VSTM2L: variants seen among roughly 807,000 people sequenced by gnomAD.
The protein encoded by VSTM2L is V-set and transmembrane domain-containing protein 2-like protein.
A neutral mutation model predicts 19.9 loss-of-function variants in VSTM2L; 9 were observed. The observed-to-expected ratio is 0.45, with a 90% CI of 0.27 to 0.79. The LOEUF (loss-of-function observed/expected upper bound fraction) is 0.79. Ranked by LOEUF, VSTM2L falls within the 30% of genes least tolerant of loss-of-function variation. VSTM2L has a pLI of 0.15. For synonymous variants in VSTM2L, 127 were observed against 133.8 expected, an observed-to-expected ratio of 0.95 and a Z score of 0.35; for missense variants, 286 against 295.5, an observed-to-expected ratio of 0.97 and a Z score of 0.24.
At position 37,945,189 on chromosome 20, in the gene VSTM2L, C is replaced by T. The variant is rs147061013; in HGVS notation, c.*936C>T. 1,417 of 985,464 alleles carry T rather than the reference C, an allele frequency of 1.4e-3. 1 individual carries two copies. Among genetic ancestry groups the T allele is most frequent in the African/African-American group, 6.2e-3 (354 of 57,348 alleles). The allele number at this position is 985,464 out of a possible 1,614,324, so 61.0% of individuals were successfully genotyped here. ...TTATTTGTAAATATTTCTATTGGAC[C>T]CAATTCTCCTCGGAATTGGCTGGCA... On this transcript the variant is annotated 3_prime_UTR_variant, in exon 4 of 4. Transcript: ENST00000373461.
intron 3 of VSTM2L, among the ~76,000 whole-genome samples, chr20:37,941,020 C>T (rs192850687): frequency 3.9e-5 from 6 of 152,230 alleles, no homozygotes; most frequent in East Asian, 3.9e-4. Flanking sequence ...TATCATCATG[C>T]GCATGTGACT....
At chr20:37,941,329 G>A (rs1180571746) in intron 3 of VSTM2L, among the ~76,000 whole-genome samples, 1 of 152,160 alleles carries the variant, frequency 6.6e-6, no homozygotes, top group Non-Finnish European at 1.5e-5. Flanking sequence ...GTGACATTTA[G>A]GATGAATGGG....
At chr20:37,934,650 C>G (rs2072929496) in intron 3 of VSTM2L, among the ~76,000 whole-genome samples, 1 of 152,070 alleles carries the variant, frequency 6.6e-6, no homozygotes, top group African/African-American at 2.4e-5. Context: ...ACCCCAAGGC[C>G]AATTTGACAG....
At chr20:37,931,904 T>C in intron 2 of VSTM2L, 100 bp downstream of exon 2, 2 of 1,323,438 alleles carry the variant, frequency 1.5e-6, no homozygotes, top group South Asian at 2.9e-5. Context: ...GGATATGGGC[T>C]CCAACGCTGT....
chr20:37,940,353 G>A (rs371786228), intron 3 of VSTM2L, among the ~76,000 whole-genome samples: 31 of 152,232 alleles, frequency 2.0e-4, no homozygotes, highest in African/African-American at 7.2e-4. Context: ...CTTGCCATGG[G>A]GAAGTCCTGC....
Position 37,903,481 on chromosome 20 carries a change from G to A in VSTM2L, c.121+10G>A, listed in dbSNP as rs748581719. On this transcript the variant is annotated intron_variant, in intron 1 of 3. Transcript: ENST00000373461. Reference sequence around the variant, plus strand: ...CACGTCTCCGGCCACGGTGAGTTCGGTCGCCGCCCCCGCGGACTTCCCCAC... The same window carrying A: ...CACGTCTCCGGCCACGGTGAGTTCGATCGCCGCCCCCGCGGACTTCCCCAC... The A allele has an allele frequency of 4.1e-6, 6 of 1,469,814 alleles. No homozygotes were observed. The East Asian group carries it at 1.2e-4, about 30-fold the overall frequency. 91.0% of individuals were successfully genotyped at this position (1,469,814 alleles called of 1,614,324 possible).
chr20:37,909,218 G>A (rs888287469), intron 1 of VSTM2L, among the ~76,000 whole-genome samples: 1 of 152,228 alleles, frequency 6.6e-6, no homozygotes, highest in South Asian at 2.1e-4. Context: ...CTATCCCAGC[G>A]ACCCTCCAAC....
chr20:37,930,271 C>G (rs2072901033), intron 1 of VSTM2L, among the ~76,000 whole-genome samples: 1 of 152,190 alleles, frequency 6.6e-6, no homozygotes, highest in African/African-American at 2.4e-5. Flanking sequence ...ATCCTGGGGA[C>G]AGGGGGATGA....
At position 37,944,339 on chromosome 20, in the gene VSTM2L, C is replaced by T. The variant is rs2072995068; in HGVS notation, c.*86C>T. The T allele has an allele frequency of 2.6e-5, 35 of 1,321,478 alleles. No homozygotes were observed. The highest frequency in any genetic ancestry group is 1.6e-4 in the South Asian group (9 of 55,818). The allele number at this position is 1,321,478 out of a possible 1,614,324, so 81.9% of individuals were successfully genotyped here. A position where few individuals can be genotyped will look rare whatever the true frequency, so the allele number is the denominator to read the frequency against. On this transcript the variant is annotated 3_prime_UTR_variant, in exon 4 of 4. Coordinates refer to ENST00000373461, the MANE Select transcript of VSTM2L (RefSeq NM_080607.3). Reference sequence around the variant, plus strand: ...CGGACCACCGGGGACCGACTGCCTGCGTCCAGCCGCGCCCCATCCCCGAGG... The same window carrying T: ...CGGACCACCGGGGACCGACTGCCTGTGTCCAGCCGCGCCCCATCCCCGAGG...
chr20:37,939,045 G>A (rs1009515806), intron 3 of VSTM2L, among the ~76,000 whole-genome samples: 5 of 152,148 alleles, frequency 3.3e-5, no homozygotes, highest in African/African-American at 4.8e-5. Flanking sequence ...TGAGAAAATC[G>A]CTTCACCTCT....
chr20:37,927,034 C>T (rs942271792), intron 1 of VSTM2L, among the ~76,000 whole-genome samples: 8 of 152,234 alleles, frequency 5.3e-5, no homozygotes, highest in East Asian at 1.9e-4. Context: ...GACACAATCT[C>T]GGCTCACTGC....
At chr20:37,937,589 T>C (rs77126866) in intron 3 of VSTM2L, among the ~76,000 whole-genome samples, 206 of 152,326 alleles carry the variant, frequency 1.4e-3, no homozygotes, top group African/African-American at 4.5e-3. Context: ...GGTGAAATTC[T>C]CCACAAATAC....
intron 2 of VSTM2L, 70 bp from the exon 3 acceptor site, chr20:37,933,469 C>G (rs532500951): frequency 1.8e-5 from 22 of 1,256,234 alleles, no homozygotes; most frequent in Non-Finnish European, 2.4e-5. Context: ...TCTCCCCACA[C>G]TGCCACCCCA....
Position 37,945,153 on chromosome 20 carries a change from C to T in VSTM2L, c.*900C>T. Reference sequence around the variant, plus strand: ...TCACGATTCCCGATCACGGGCACACCTGCCCCCTGGTTATTTGTAAATATT... The same window carrying T: ...TCACGATTCCCGATCACGGGCACACTTGCCCCCTGGTTATTTGTAAATATT... On this transcript the variant is annotated 3_prime_UTR_variant, in exon 4 of 4. Coordinates refer to ENST00000373461, the MANE Select transcript of VSTM2L (RefSeq NM_080607.3). 2.0e-6 allele frequency: 2 copies of T among 985,666 alleles called. No homozygotes were observed. Among genetic ancestry groups the T allele is most frequent in the Non-Finnish European group, 2.4e-6 (2 of 829,928 alleles). The allele number at this position is 985,666 out of a possible 1,614,324, so 61.1% of individuals were successfully genotyped here. A position where few individuals can be genotyped will look rare whatever the true frequency, so the allele number is the denominator to read the frequency against.
At chr20:37,913,641 T>C (rs2072793000) in intron 1 of VSTM2L, among the ~76,000 whole-genome samples, 1 of 152,126 alleles carries the variant, frequency 6.6e-6, no homozygotes, top group African/African-American at 2.4e-5. Flanking sequence ...CCTAGAGCAG[T>C]CAGGGGAGAC....
At chr20:37,914,509 T>TTG (rs908838514) in intron 1 of VSTM2L, among the ~76,000 whole-genome samples, 5 of 73,856 alleles carry the variant, frequency 6.8e-5, no homozygotes, top group East Asian at 3.8e-4. Flanking sequence ...TGCGTGTGTG[T>TTG]TGTGTGTGTG....
chr20:37,944,181 C>T lies in VSTM2L; in HGVS notation c.543C>T (p.Pro181=), dbSNP rs746301150. ...TGCCCGAAGCCCCTCCCGCCGCGCC[C>T]GCCCCGCCGCCCCCCAAGCCAGGCA... is the stretch of plus-strand genomic sequence containing the variant. ...LHLPEAPPAA[P]APPPPKPGKE... The change falls in exon 4 of 4, where the codon CCC becomes CCT. Residue 181 remains proline, a synonymous_variant. Coordinates refer to ENST00000373461, the MANE Select transcript of VSTM2L (RefSeq NM_080607.3). 16 of 1,544,750 alleles carry T rather than the reference C, an allele frequency of 1.0e-5. No homozygotes were observed. The South Asian group carries it at 1.1e-4, about 10-fold the overall frequency.
intron 3 of VSTM2L, among the ~76,000 whole-genome samples, chr20:37,933,986 G>C (rs2072925521): frequency 6.6e-6 from 1 of 152,274 alleles, no homozygotes; most frequent in African/African-American, 2.4e-5. Context: ...TGGCCCCGGG[G>C]ACGGGGTGGG....
In VSTM2L at chr20:37,903,595, CT is replaced by C. The variant is rs2072734382; in HGVS notation, c.121+125del. 1.5e-5 allele frequency: 20 copies of C among 1,295,056 alleles called. No individual in the cohort carries two copies. The South Asian group carries it at 3.8e-4, about 24-fold the overall frequency. 80.2% of individuals were successfully genotyped at this position (1,295,056 alleles called of 1,614,324 possible). A position where few individuals can be genotyped will look rare whatever the true frequency, so the allele number is the denominator to read the frequency against. On this transcript the variant is annotated intron_variant, in intron 1 of 3. Coordinates refer to ENST00000373461, the MANE Select transcript of VSTM2L (RefSeq NM_080607.3). ...CGTGGCGGGCATCCCGGGGCGCCCC[CT>C]GCCGGCGCGGTGGACCCGCCCTGGC...
Sources: allele counts gnomAD v4.1 joint callset (sites outside exome capture counted in the v4.1 genomes callset), GRCh38; gene constraint gnomAD v4.1.1; transcripts MANE v1.5; gene names NCBI Gene and HGNC (gene_info 2026-07-23, HGNC 2026-07-21).